Variants in TPTE2 observed in about 807,000 individuals in gnomAD.
TPTE2 encodes the protein transmembrane phosphoinositide 3-phosphatase and tensin homolog 2.
Under a neutral mutation model 78.6 loss-of-function variants are expected in TPTE2, and 53 were observed. That is an observed-to-expected ratio of 0.67 (90% CI 0.54 to 0.85). The LOEUF is 0.85. TPTE2 is among the 40% of genes least tolerant of loss of function. The pLI is 0.00. For missense variants in TPTE2, 461 were observed against 623.0 expected (o/e 0.74, Z 2.77); for synonymous variants, 175 against 206.2 (o/e 0.85, Z 1.30).
chr13:19,525,051 T>C (rs1182233845), intron 1 of TPTE2, among the ~76,000 whole-genome samples: 3 of 151,978 alleles, frequency 2.0e-5, no homozygotes, highest in Admixed American at 1.3e-4. Flanking sequence ...TGTCTTTCAG[T>C]GGTGAGGAGA....
intron 1 of TPTE2, among the ~76,000 whole-genome samples, chr13:19,530,829 AT>A (rs979651839): frequency 8.6e-5 from 13 of 151,868 alleles, no homozygotes; most frequent in African/African-American, 3.1e-4. Flanking sequence ...CCGGCCCTAA[AT>A]TTTTTTTCTT....
At chr13:19,479,055 T>TTAATTAATAACCA (rs1880154075) in intron 4 of TPTE2, among the ~76,000 whole-genome samples, 1 of 152,134 alleles carries the variant, frequency 6.6e-6, no homozygotes, top group Non-Finnish European at 1.5e-5. Context: ...ATACACCTAA[T>TTAATTAATAACCA]GTAAATGACG....
At chr13:19,530,853 A>G (rs924206086) in intron 1 of TPTE2, among the ~76,000 whole-genome samples, 1 of 152,154 alleles carries the variant, frequency 6.6e-6, no homozygotes, top group Admixed American at 6.5e-5. Flanking sequence ...GGTAAAATAC[A>G]CAAAAAATGT....
intron 15 of TPTE2, among the ~76,000 whole-genome samples, chr13:19,433,609 A>C (rs528526480): frequency 6.6e-6 from 1 of 152,332 alleles, no homozygotes; most frequent in South Asian, 2.1e-4. Flanking sequence ...ACTTCCCTTT[A>C]GAAAGGGCCA....
the TPTE2 span, among the ~76,000 whole-genome samples, chr13:19,544,969 C>T: frequency 6.7e-6 from 1 of 149,294 alleles, no homozygotes; most frequent in Non-Finnish European, 1.5e-5. Context: ...CACACACACA[C>T]ACACACACAC....
intron 13 of TPTE2, among the ~76,000 whole-genome samples, chr13:19,446,105 T>A (rs1281691497): frequency 6.6e-6 from 1 of 152,234 alleles, no homozygotes; most frequent in Non-Finnish European, 1.5e-5. Flanking sequence ...TATTAAAGAA[T>A]GAACAAGATG....
chr13:19,450,643 A>C (rs1878116359), intron 11 of TPTE2, among the ~76,000 whole-genome samples: 1 of 152,190 alleles, frequency 6.6e-6, no homozygotes, highest in African/African-American at 2.4e-5. Flanking sequence ...CACAAGAGGC[A>C]AATGTAGCTG....
exon 14 of TPTE2, chr13:19,438,096 G>A: frequency 1.2e-6 from 2 of 1,605,922 alleles, no homozygotes; most frequent in Non-Finnish European, 1.7e-6. Flanking sequence ...TCATACCTCG[G>A]CAGTTAAAAA....
intron 1 of TPTE2, among the ~76,000 whole-genome samples, chr13:19,532,172 A>G (rs544341364): frequency 2.9e-4 from 44 of 152,328 alleles, no homozygotes; most frequent in Non-Finnish European, 5.6e-4. Context: ...GGTCTCCTGC[A>G]GGGAAGGAAA....
intron 1 of TPTE2, among the ~76,000 whole-genome samples, chr13:19,521,159 G>A (rs1566075599): frequency 6.6e-6 from 1 of 151,830 alleles, no homozygotes; most frequent in Admixed American, 6.6e-5. Flanking sequence ...TTGATTTTCT[G>A]CCCAATTGTC....
chr13:19,500,699 G>A (rs2137666670), intron 1 of TPTE2, among the ~76,000 whole-genome samples: 1 of 151,636 alleles, frequency 6.6e-6, no homozygotes, highest in East Asian at 1.9e-4. Context: ...ATATCATACT[G>A]AATGGGCAAA....
chr13:19,451,775 A>AT (rs1186863895), intron 10 of TPTE2, among the ~76,000 whole-genome samples: 2 of 149,352 alleles, frequency 1.3e-5, no homozygotes, highest in Admixed American at 6.7e-5. Flanking sequence ...TGTTCTCTTT[A>AT]TTTTTTTAAA....
chr13:19,496,845 G>A (rs1215650485), intron 1 of TPTE2, among the ~76,000 whole-genome samples: 5 of 152,216 alleles, frequency 3.3e-5, no homozygotes, highest in African/African-American at 9.6e-5. Context: ...CCCAGCGTGA[G>A]CGACGCGGAA....
intron 1 of TPTE2, among the ~76,000 whole-genome samples, chr13:19,514,700 A>G (rs1453879608): frequency 1.3e-5 from 2 of 151,994 alleles, no homozygotes; most frequent in Non-Finnish European, 2.9e-5. Flanking sequence ...GAATGTTTCT[A>G]TATCAATGGC....
chr13:19,498,698 C>G (rs2137660856), intron 1 of TPTE2, among the ~76,000 whole-genome samples: 1 of 151,934 alleles, frequency 6.6e-6, no homozygotes, highest in Admixed American at 6.6e-5. Flanking sequence ...AAAATCATGC[C>G]AAAACGTAAA....
chr13:19,424,550 C>G (rs1368577360), intron 19 of TPTE2, among the ~76,000 whole-genome samples: 1 of 152,188 alleles, frequency 6.6e-6, no homozygotes, highest in Non-Finnish European at 1.5e-5. Context: ...TCCCTAGGTC[C>G]TGCCTTACTT....
At position 19,460,093 on chromosome 13, in the gene TPTE2, C is replaced by T. The variant is rs115803402; in HGVS notation, c.741+4363G>A. Among the ~76,000 whole-genome samples the T allele has an allele frequency of 7.0e-3, 1,067 of 152,280 alleles. 9 individuals are homozygous for T. Among genetic ancestry groups the T allele is most frequent in the African/African-American group, 0.024 (1,004 of 41,532 alleles). On this transcript the variant is annotated intron_variant, in intron 10 of 19. Transcript: ENST00000400230. ...GATTTCCCACTGTGCTGAAGATCCC[C>T]GGCTACAGTGTGTAAAACTCCTGGG...
intron 3 of TPTE2, among the ~76,000 whole-genome samples, chr13:19,487,513 C>T (rs1880732905): frequency 6.6e-6 from 1 of 152,082 alleles, no homozygotes; most frequent in African/African-American, 2.4e-5. Flanking sequence ...AGAGGGCTTG[C>T]AGTGGTTTGG....
chr13:19,524,160 G>C (rs1484429479), intron 1 of TPTE2, among the ~76,000 whole-genome samples: 2 of 152,162 alleles, frequency 1.3e-5, no homozygotes, highest in East Asian at 3.8e-4. Context: ...AACTGAGTCT[G>C]AGACCTCCAT....
Sources: gnomAD v4.1 joint callset for allele counts (sites outside exome capture counted in the v4.1 genomes callset) on GRCh38, gnomAD v4.1.1 for gene constraint, MANE v1.5 for transcripts, NCBI Gene and HGNC (gene_info 2026-07-23, HGNC 2026-07-21) for gene names.